The following MDN1 variants were observed in gnomAD, a reference collection of about 807,000 sequenced individuals.
MDN1 encodes midasin AAA ATPase 1.
A neutral mutation model predicts 669.2 loss-of-function variants in MDN1; 266 were observed. That is an observed-to-expected ratio of 0.40 (90% CI 0.36 to 0.44). The LOEUF is 0.44. MDN1 is among the 20% of genes least tolerant of loss of function. The pLI is 1.00. For synonymous variants in MDN1, 2,385 were observed against 2,457.1 expected, an observed-to-expected ratio of 0.97 and a Z score of 0.87; for missense variants, 5,940 against 6,754.0, an observed-to-expected ratio of 0.88 and a Z score of 4.22.
Position 89,768,122 on chromosome 6 carries a change from C to A in MDN1, c.2144+3439G>T, listed in dbSNP as rs1027150408. On this transcript the variant is annotated intron_variant, in intron 15 of 101. Coordinates refer to ENST00000369393, the MANE Select transcript of MDN1 (RefSeq NM_014611.3). ...CAGTGGCTCATGCCTGTAATCCCAGCACTTTGGGAGGTTGACTGGGGAGGA... is the reference window on the plus strand; with the variant it reads ...CAGTGGCTCATGCCTGTAATCCCAGAACTTTGGGAGGTTGACTGGGGAGGA... 3.9e-5 allele frequency among the ~76,000 whole-genome samples: 6 copies of A among 152,098 alleles called. No individual in the cohort carries two copies. The South Asian group carries it at 1.0e-3, about 26-fold the overall frequency.
At position 89,690,101 on chromosome 6, in the gene MDN1, T is replaced by C. The variant is rs531428810; in HGVS notation, c.10792A>G (p.Lys3598Glu). Residue 3598 changes from lysine to glutamate, a missense_variant, in exon 65 of 102, where the codon AAA becomes GAA. Transcript: ENST00000369393. ...TCTTCTTGCCCATCTGAAGTTCCTT[T>C]GTTCTCCTCCAACGTTGGCTGCACC... ...ILVQPTLEEN[K>E]GTSDGQEEEA... The C allele has an allele frequency of 7.4e-6, 12 of 1,614,232 alleles. No individual in the cohort carries two copies. In the South Asian group the frequency reaches 1.2e-4, roughly 16 times the overall value.
chr6:89,696,045 T>TC, intron 60 of MDN1, 53 bp from the exon 61 acceptor site: 1 of 1,537,922 alleles, frequency 6.5e-7, no homozygotes. Context: ...CAAAAAGCAT[T>TC]CCTTTTCATA....
intron 75 of MDN1, among the ~76,000 whole-genome samples, chr6:89,678,375 C>A (rs182290123): frequency 6.6e-6 from 1 of 151,878 alleles, no homozygotes; most frequent in Admixed American, 6.6e-5. Flanking sequence ...ATATAGATTC[C>A]GAGAAACCTC....
chr6:89,734,130 C>T (rs901108037), intron 33 of MDN1, among the ~76,000 whole-genome samples: 1 of 152,008 alleles, frequency 6.6e-6, no homozygotes, highest in African/African-American at 2.4e-5. Context: ...ACTAAAAATA[C>T]AAAAATTAGC....
chr6:89,679,942 C>T (rs1018261429), intron 74 of MDN1, among the ~76,000 whole-genome samples: 4 of 152,162 alleles, frequency 2.6e-5, no homozygotes, highest in Non-Finnish European at 4.4e-5. Context: ...TGAGCAACGG[C>T]TGACAAGTTT....
intron 39 of MDN1, 89 bp from the exon 40 acceptor site, chr6:89,723,232 G>A: frequency 7.5e-7 from 1 of 1,327,830 alleles, no homozygotes; most frequent in Non-Finnish European, 1.0e-6. Context: ...AAAAGCATAT[G>A]TAATCTGAAA....
In MDN1 at chr6:89,750,389, G is replaced by T. The variant is rs116598699; in HGVS notation, c.3371C>A (p.Thr1124Lys). 6 of 1,613,156 alleles carry T rather than the reference G, an allele frequency of 3.7e-6. No individual in the cohort carries two copies. The African/African-American group carries it at 6.7e-5, about 18-fold the overall frequency. The change falls in exon 24 of 102, where the codon ACG (threonine) becomes AAG (lysine). Residue 1124 changes from threonine to lysine, a missense_variant. By Grantham distance (78) the Thr-to-Lys change is moderately conservative. Transcript: ENST00000369393. The stretch of plus-strand genomic sequence containing the variant: ...GACAAGCTTCCCTGAGGAGTCAGAC[G>T]TGTAACAACCAATGTACTCCTGAAT... ...TDIQEYIGCY[T>K]SDSSGKLVFK...
At chr6:89,683,975 G>T in intron 71 of MDN1, 71 bp from the exon 72 acceptor site, 1 of 1,155,566 alleles carries the variant, frequency 8.7e-7, no homozygotes, top group Non-Finnish European at 1.3e-6. Flanking sequence ...CTAGATTTCT[G>T]TTCAGCAAAG....
In MDN1 at chr6:89,715,605, T is replaced by C. The variant is rs747603880; in HGVS notation, c.6860+48A>G. On this transcript the variant is annotated intron_variant, in intron 45 of 101. Coordinates refer to ENST00000369393, the MANE Select transcript of MDN1 (RefSeq NM_014611.3). ...AGTCCTACTGAACGTCTACCTCTGCTACTGAGGCTGTCAGATTCTGAGGCA... is the reference window on the plus strand; with the variant it reads ...AGTCCTACTGAACGTCTACCTCTGCCACTGAGGCTGTCAGATTCTGAGGCA... The C allele has an allele frequency of 8.8e-6, 10 of 1,135,514 alleles. No individual in the cohort carries two copies. In the South Asian group the frequency reaches 1.1e-4, roughly 13 times the overall value. 70.3% of individuals were successfully genotyped at this position (1,135,514 alleles called of 1,614,324 possible).
At chr6:89,758,772 C>CTCTAA in intron 18 of MDN1, 44 bp downstream of exon 18, 1 of 1,606,420 alleles carries the variant, frequency 6.2e-7, no homozygotes, top group Non-Finnish European at 8.5e-7. Context: ...AAAGTGGCCA[C>CTCTAA]AGGGCTTGAC....
At chr6:89,666,744 G>A (rs1810272582) in intron 84 of MDN1, among the ~76,000 whole-genome samples, 1 of 152,214 alleles carries the variant, frequency 6.6e-6, no homozygotes, top group African/African-American at 2.4e-5. Context: ...CCAAGTCATG[G>A]CTGCAGTGAG....
intron 71 of MDN1, among the ~76,000 whole-genome samples, chr6:89,684,538 C>A (rs948139492): frequency 7.9e-5 from 12 of 152,228 alleles, no homozygotes; most frequent in African/African-American, 2.9e-4. Flanking sequence ...GTCCCTCCTT[C>A]CCCCATGGTA....
At chr6:89,651,330 A>G (rs1171496558) in intron 95 of MDN1, among the ~76,000 whole-genome samples, 1 of 145,558 alleles carries the variant, frequency 6.9e-6, no homozygotes, top group Non-Finnish European at 1.5e-5. Context: ...GTCTCAAAAA[A>G]AAAAAAAAAA....
chr6:89,714,055 A>C (rs1187390640), intron 46 of MDN1, among the ~76,000 whole-genome samples: 1 of 152,170 alleles, frequency 6.6e-6, no homozygotes. Flanking sequence ...AAAGAAAAAA[A>C]AAAAAAGATT....
intron 44 of MDN1, 29 bp downstream of exon 44, chr6:89,716,621 G>C (rs1814392724): frequency 6.3e-7 from 1 of 1,576,104 alleles, no homozygotes; most frequent in Middle Eastern, 1.7e-4. Flanking sequence ...ATTTCAAGTT[G>C]GACCACTGAT....
chr6:89,732,477 G>T, intron 34 of MDN1, 80 bp downstream of exon 34: 1 of 1,185,910 alleles, frequency 8.4e-7, no homozygotes, highest in Non-Finnish European at 1.2e-6. Context: ...AAAATAGCTG[G>T]GTCAGAGGCC....
At chr6:89,718,719 A>G (rs760957112) in intron 42 of MDN1, 48 bp downstream of exon 42, 1 of 1,609,870 alleles carries the variant, frequency 6.2e-7, no homozygotes, top group Non-Finnish European at 8.5e-7. Flanking sequence ...CAGTCAGACC[A>G]CGGGGTTTAT....
Position 89,758,273 on chromosome 6 carries a change from GGGA to G in MDN1, c.2681_2683del (p.Leu894del). ...CCCTCACCTGTTTCTTATTCCTGGT[GGGA>G]GATTTCTTTTGCCTACATCAGTTGC... On this transcript the variant is annotated inframe_deletion, in exon 19 of 102. Transcript: ENST00000369393. The G allele has an allele frequency of 6.2e-7, 1 of 1,610,596 alleles. No homozygotes were observed. The highest frequency in any genetic ancestry group is 8.5e-7 in the Non-Finnish European group (1 of 1,178,050).
At chr6:89,693,939 A>T in intron 62 of MDN1, 135 bp downstream of exon 62, 1 of 720,476 alleles carries the variant, frequency 1.4e-6, no homozygotes, top group Middle Eastern at 2.4e-4. Context: ...TTTCCTGACT[A>T]TAAACAATGC....
Sources: allele counts gnomAD v4.1 joint callset (sites outside exome capture counted in the v4.1 genomes callset), GRCh38; gene constraint gnomAD v4.1.1; transcripts MANE v1.5; gene names NCBI Gene and HGNC (gene_info 2026-07-23, HGNC 2026-07-21).